The following INPP4B variants were observed in gnomAD, a reference collection of about 807,000 sequenced individuals.
INPP4B encodes the protein inositol polyphosphate 4-phosphatase type II.
Under a neutral mutation model 122.5 loss-of-function variants are expected in INPP4B, and 55 were observed. The ratio of observed to expected loss-of-function variants is 0.45; its 90% CI spans 0.36 to 0.56. INPP4B has a LOEUF of 0.56. Ranked by LOEUF, INPP4B falls within the 20% of genes least tolerant of loss-of-function variation. The pLI, the probability that INPP4B is intolerant of heterozygous loss-of-function variation, is 0.00. For synonymous variants in INPP4B, 403 were observed against 388.7 expected, an observed-to-expected ratio of 1.04 and a Z score of -0.43; for missense variants, 1,000 against 1,097.7, an observed-to-expected ratio of 0.91 and a Z score of 1.26.
intron 2 of INPP4B, among the ~76,000 whole-genome samples, chr4:142,613,788 C>T (rs1197526275): frequency 1.3e-5 from 2 of 152,160 alleles, no homozygotes; most frequent in African/African-American, 4.8e-5. Context: ...TCCTACACAT[C>T]AGCCTCATGG....
chr4:142,156,181 G>T (rs1817098548), intron 17 of INPP4B, among the ~76,000 whole-genome samples: 1 of 151,742 alleles, frequency 6.6e-6, no homozygotes, highest in Non-Finnish European at 1.5e-5. Context: ...TTCTAGTTTT[G>T]CAGTTTGCTA....
chr4:142,311,374 A>G (rs1282471977), intron 8 of INPP4B, among the ~76,000 whole-genome samples: 1 of 152,110 alleles, frequency 6.6e-6, no homozygotes, highest in East Asian at 1.9e-4. Flanking sequence ...TTGAGTTCTG[A>G]TGGGTCACAA....
intron 14 of INPP4B, among the ~76,000 whole-genome samples, chr4:142,205,448 A>T (rs549395617): frequency 1.3e-5 from 2 of 152,160 alleles, no homozygotes; most frequent in South Asian, 2.1e-4. Flanking sequence ...TTTAATCTAA[A>T]CCTGGCTATT....
chr4:142,294,821 C>T (rs1380318526), intron 9 of INPP4B, among the ~76,000 whole-genome samples: 2 of 35,208 alleles, frequency 5.7e-5, no homozygotes, highest in Admixed American at 5.1e-4. Context: ...CAGAGCGAGA[C>T]TCCGTCTCAA....
chr4:142,773,181 C>A (rs886504731), intron 1 of INPP4B, among the ~76,000 whole-genome samples: 9 of 152,090 alleles, frequency 5.9e-5, no homozygotes, highest in Admixed American at 3.3e-4. Context: ...AAAGCATCCT[C>A]CTAGACTAGA....
chr4:142,624,408 TG>T (rs1745791234), intron 2 of INPP4B, among the ~76,000 whole-genome samples: 1 of 151,836 alleles, frequency 6.6e-6, no homozygotes, highest in South Asian at 2.1e-4. Flanking sequence ...CACTTTTTGA[TG>T]GGGTTGTTTG....
At chr4:142,637,899 G>T (rs186227848) in intron 2 of INPP4B, among the ~76,000 whole-genome samples, 1 of 152,196 alleles carries the variant, frequency 6.6e-6, no homozygotes, top group Non-Finnish European at 1.5e-5. Context: ...TCAAAAAGGT[G>T]TGTAGTGGTA....
chr4:142,557,231 G>A (rs1729401387), intron 2 of INPP4B, among the ~76,000 whole-genome samples: 1 of 152,136 alleles, frequency 6.6e-6, no homozygotes, highest in Non-Finnish European at 1.5e-5. Context: ...TTGTAGAGAG[G>A]AGAACATAAA....
chr4:142,180,359 AT>A (rs1485011346), intron 15 of INPP4B, among the ~76,000 whole-genome samples: 1 of 152,124 alleles, frequency 6.6e-6, no homozygotes, highest in Non-Finnish European at 1.5e-5. Flanking sequence ...AAGCCATTTT[AT>A]TTTTTTCCAT....
chr4:142,638,951 A>G (rs1028414882), intron 2 of INPP4B, among the ~76,000 whole-genome samples: 4 of 152,048 alleles, frequency 2.6e-5, no homozygotes, highest in African/African-American at 9.7e-5. Flanking sequence ...ATGTTTCCTA[A>G]TATTTTTGGT....
intron 25 of INPP4B, among the ~76,000 whole-genome samples, chr4:142,035,964 G>T (rs1334354855): frequency 6.6e-6 from 1 of 151,998 alleles, no homozygotes; most frequent in African/African-American, 2.4e-5. Context: ...AGATACAGGG[G>T]CATACATGAG....
At chr4:142,590,115 A>G (rs1737106769) in intron 2 of INPP4B, among the ~76,000 whole-genome samples, 1 of 152,142 alleles carries the variant, frequency 6.6e-6, no homozygotes, top group Admixed American at 6.6e-5. Context: ...GACAAGCAGG[A>G]AGGACTGAAT....
intron 2 of INPP4B, among the ~76,000 whole-genome samples, chr4:142,494,692 T>C (rs1415225194): frequency 1.3e-5 from 2 of 152,226 alleles, no homozygotes; most frequent in Non-Finnish European, 2.9e-5. Context: ...ATAATTGTCC[T>C]CTAGGTAATA....
intron 9 of INPP4B, among the ~76,000 whole-genome samples, chr4:142,282,723 G>T (rs562245330): frequency 6.6e-6 from 1 of 152,094 alleles, no homozygotes; most frequent in Non-Finnish European, 1.5e-5. Context: ...CTCAAGGTCA[G>T]AATTTCCATC....
chr4:142,101,449 A>G (rs112305670), intron 23 of INPP4B, among the ~76,000 whole-genome samples: 1 of 151,946 alleles, frequency 6.6e-6, no homozygotes, highest in African/African-American at 2.4e-5. Flanking sequence ...ATGTAGTGCA[A>G]CTCTTCTCTC....
chr4:142,577,843 C>T (rs533047136), intron 2 of INPP4B, among the ~76,000 whole-genome samples: 3 of 152,098 alleles, frequency 2.0e-5, no homozygotes, highest in African/African-American at 7.2e-5. Context: ...AGGTCATCTG[C>T]AGTTCCTTTT....
intron 2 of INPP4B, among the ~76,000 whole-genome samples, chr4:142,634,930 A>C (rs1354817814): frequency 6.6e-6 from 1 of 152,150 alleles, no homozygotes; most frequent in Non-Finnish European, 1.5e-5. Context: ...TCTATGATGC[A>C]TGAAAATTAA....
intron 1 of INPP4B, among the ~76,000 whole-genome samples, chr4:142,728,614 A>G (rs1765644492): frequency 6.6e-6 from 1 of 152,176 alleles, no homozygotes; most frequent in African/African-American, 2.4e-5. Context: ...CCATGTGAAC[A>G]CAAAGACACA....
intron 2 of INPP4B, among the ~76,000 whole-genome samples, chr4:142,647,960 C>T (rs140501485): frequency 3.9e-3 from 596 of 152,338 alleles, no homozygotes; most frequent in Non-Finnish European, 6.6e-3. Flanking sequence ...TTTCCTCCTC[C>T]TTTTCGTTCT....
Sources: allele counts gnomAD v4.1 joint callset (sites outside exome capture counted in the v4.1 genomes callset), GRCh38; gene constraint gnomAD v4.1.1; transcripts MANE v1.5; gene names NCBI Gene and HGNC (gene_info 2026-07-23, HGNC 2026-07-21).